The following DIDO1 variants were observed in gnomAD, a reference collection of about 807,000 sequenced individuals.
DIDO1 encodes the protein death inducer-obliterator 1.
DIDO1 carries 16 observed loss-of-function variants against 99.4 expected under a neutral mutation model. That is an observed-to-expected ratio of 0.16 (90% CI 0.11 to 0.24). The LOEUF is 0.24. Among genes scored for constraint, DIDO1 ranks in the 10% least tolerant of loss-of-function variants. The pLI is 1.00. For missense variants in DIDO1, 2,996 were observed against 3,014.0 expected (o/e 0.99, Z 0.14); for synonymous variants, 1,366 against 1,239.1 (o/e 1.10, Z -2.15).
In DIDO1 at chr20:62,879,205, A is replaced by G. The variant is rs1000873802; in HGVS notation, c.*28T>C. On this transcript the variant is annotated 3_prime_UTR_variant, in exon 16 of 16. Coordinates refer to ENST00000395343, the MANE Select transcript of DIDO1 (RefSeq NM_001193369.2). The surrounding 1 kb of genome is among the most constrained non-coding windows in gnomAD (Gnocchi z 6.3). ...CAACGCATCTTACGAACGTGGCTTTAAAAAGGGTCTCTGCCCGGCCGGGGC... is the reference window on the plus strand; with the variant it reads ...CAACGCATCTTACGAACGTGGCTTTGAAAAGGGTCTCTGCCCGGCCGGGGC... 2 of 1,456,472 alleles carry G rather than the reference A, an allele frequency of 1.4e-6. No homozygotes were observed. Among genetic ancestry groups the G allele is most frequent in the Admixed American group, 5.3e-5 (2 of 37,580 alleles). The allele number at this position is 1,456,472 out of a possible 1,614,324, so 90.2% of individuals were successfully genotyped here.
Position 62,878,964 on chromosome 20 carries a change from T to A in DIDO1, c.*269A>T. On this transcript the variant is annotated 3_prime_UTR_variant, in exon 16 of 16. Transcript: ENST00000395343. ...TTTACAATAAAGTTATTGGAAAAGA[T>A]AACTATGATCTGAAAAGCAATATGC... 1 of 369,780 alleles carries A rather than the reference T, an allele frequency of 2.7e-6. No individual in the cohort carries two copies. The highest frequency in any genetic ancestry group is 4.8e-6 in the Non-Finnish European group (1 of 209,952). The allele number at this position is 369,780 out of a possible 1,614,324, so 22.9% of individuals were successfully genotyped here. A position where few individuals can be genotyped will look rare whatever the true frequency, so the allele number is the denominator to read the frequency against.
At chr20:62,899,509 C>T (rs1259326282) in intron 6 of DIDO1, among the ~76,000 whole-genome samples, 2 of 152,218 alleles carry the variant, frequency 1.3e-5, no homozygotes, top group African/African-American at 4.8e-5. Flanking sequence ...GTCTCCCTCA[C>T]TTAGGGAAAA....
At chr20:62,884,322 G>A (rs1373402140) in intron 15 of DIDO1, among the ~76,000 whole-genome samples, 1 of 152,198 alleles carries the variant, frequency 6.6e-6, no homozygotes, top group Non-Finnish European at 1.5e-5. Flanking sequence ...GAATGCCAAA[G>A]GGGAATATAA....
At chr20:62,906,179 C>T (rs2064800274) in intron 5 of DIDO1, 79 bp from the exon 6 acceptor site, 1 of 1,520,718 alleles carries the variant, frequency 6.6e-7, no homozygotes. Flanking sequence ...GAGATGAAGG[C>T]GGGGACCCAA....
chr20:62,911,173 T>A lies in DIDO1; in HGVS notation c.440A>T (p.Asp147Val). The A allele has an allele frequency of 6.2e-7, 1 of 1,614,058 alleles. No individual in the cohort carries two copies. Among genetic ancestry groups the A allele is most frequent in the Non-Finnish European group, 8.5e-7 (1 of 1,180,032 alleles). The change falls in exon 3 of 16, where the codon GAC becomes GTC. Residue 147 changes from aspartate (D) to valine (V), a missense_variant. Transcript: ENST00000395343. The surrounding 1 kb of genome is among the most constrained non-coding windows in gnomAD (Gnocchi z 7.0). ...ASSEKVKGGD[D>V]HDDTSDSDSD... ...GTCACTATCGGAGGTGTCATCGTGG[T>A]CATCCCCTCCTTTCACCTTTTCAGA...
chr20:62,922,530 G>A (rs2065175524), intron 1 of DIDO1, among the ~76,000 whole-genome samples: 1 of 152,048 alleles, frequency 6.6e-6, no homozygotes, highest in African/African-American at 2.4e-5. Context: ...GTACCAGGCA[G>A]TGTATCTGTC....
At chr20:62,904,543 G>A (rs2064755450) in intron 6 of DIDO1, among the ~76,000 whole-genome samples, 1 of 152,072 alleles carries the variant, frequency 6.6e-6, no homozygotes, top group African/African-American at 2.4e-5. Context: ...ACTCTGGGAA[G>A]GCCGAGTTGG....
intron 15 of DIDO1, chr20:62,888,775 G>A (rs550131415): frequency 5.1e-6 from 5 of 985,340 alleles, no homozygotes; most frequent in African/African-American, 3.5e-5. Context: ...GAAGCGGGCC[G>A]AGTACCCGAT....
chr20:62,931,406 G>A (rs2065330963), upstream of DIDO1, among the ~76,000 whole-genome samples: 1 of 152,074 alleles, frequency 6.6e-6, no homozygotes, highest in African/African-American at 2.4e-5. Context: ...CAATATTTTA[G>A]TTAAGTATAG....
intron 3 of DIDO1, among the ~76,000 whole-genome samples, 173 bp from the exon 4 acceptor site, chr20:62,910,193 T>C (rs937977597): frequency 1.3e-5 from 2 of 152,284 alleles, no homozygotes; most frequent in African/African-American, 4.8e-5. Context: ...CCAAATTTAC[T>C]TCACCGTTTT....
intron 3 of DIDO1, among the ~76,000 whole-genome samples, chr20:62,910,454 G>C (rs2064905267): frequency 1.3e-5 from 2 of 152,210 alleles, no homozygotes; most frequent in Admixed American, 1.3e-4. Context: ...GTCTCAGACA[G>C]ACCCCGGAGT....
chr20:62,892,412 T>C lies in DIDO1; in HGVS notation c.3256-336A>G, dbSNP rs1372061968. Among the ~76,000 whole-genome samples, 4 of 152,224 alleles carry C rather than the reference T, an allele frequency of 2.6e-5. No homozygotes were observed. The East Asian group carries it at 7.7e-4, about 29-fold the overall frequency. On this transcript the variant is annotated intron_variant, in intron 13 of 15. Transcript: ENST00000395343. ...AGTCATAAATGCTAGTGCTGTCTTC[T>C]GGTTAATTCTGAAAACTAAAAGGCC...
At position 62,882,579 on chromosome 20, in the gene DIDO1, G is replaced by A. The variant is rs370680191; in HGVS notation, c.3542-165C>T. Among the ~76,000 whole-genome samples, 172 of 102,310 alleles carry A rather than the reference G, an allele frequency of 1.7e-3. 5 individuals are homozygous for A. The highest frequency in any genetic ancestry group is 7.1e-3 in the African/African-American group (150 of 21,016). 67.1% of individuals were successfully genotyped at this position (102,310 alleles called of 152,430 possible). A position where few individuals can be genotyped will look rare whatever the true frequency, so the allele number is the denominator to read the frequency against. ...TCAAGACAGTTGCAAAAGCCTGGAC[G>A]ATTCCGCCCCAGGAACGCACCGCCC... On this transcript the variant is annotated intron_variant, in intron 15 of 15. Coordinates refer to ENST00000395343, the MANE Select transcript of DIDO1 (RefSeq NM_001193369.2).
At chr20:62,905,221 C>G (rs972897827) in intron 6 of DIDO1, 2 of 1,185,876 alleles carry the variant, frequency 1.7e-6, no homozygotes, top group African/African-American at 3.1e-5. Context: ...ACGCGTCCTG[C>G]GGTCAGGACA....
intron 15 of DIDO1, chr20:62,887,616 C>G (rs1241652743): frequency 1.0e-6 from 1 of 985,458 alleles, no homozygotes; most frequent in African/African-American, 1.7e-5. Context: ...CCTGCGGCTT[C>G]ACGCGGAAAT....
chr20:62,904,085 G>A (rs1022384919), intron 6 of DIDO1, among the ~76,000 whole-genome samples: 1 of 152,226 alleles, frequency 6.6e-6, no homozygotes, highest in Non-Finnish European at 1.5e-5. Context: ...GGTTGACACA[G>A]ATGGAAATTA....
Position 62,896,860 on chromosome 20 carries a change from A to T in DIDO1, c.1725T>A (p.Asn575Lys). 1 of 1,614,130 alleles carries T rather than the reference A, an allele frequency of 6.2e-7. No homozygotes were observed. The highest frequency in any genetic ancestry group is 2.2e-5 in the East Asian group (1 of 44,888). ...TAATGGCTGGTGTGGCTGCTGCCAC[A>T]TTAGCAAAAGAAGACTTCTTTGGCA... ...NLVPKKSSFA[N>K]VAAATPAIKK... The change falls in exon 7 of 16, where the codon AAT becomes AAA. Residue 575 changes from asparagine (N) to lysine (K), a missense_variant. Physicochemically the swap from Asn to Lys is moderately conservative, Grantham distance 94. Transcript: ENST00000395343. The surrounding 1 kb of genome is among the most constrained non-coding windows in gnomAD (Gnocchi z 4.4).
chr20:62,921,484 C>G (rs933785939), intron 1 of DIDO1, among the ~76,000 whole-genome samples: 3 of 152,068 alleles, frequency 2.0e-5, no homozygotes, highest in Admixed American at 1.3e-4. Flanking sequence ...ACCCTGTCTA[C>G]TCTCATTCAG....
Position 62,895,036 on chromosome 20 carries a change from C to T in DIDO1, c.2331+13G>A. ...AGTCCTGGGTGCCTCCGCAGGTACC[C>T]CTCAGCACTCACAGATCTCGCTGGC... On this transcript the variant is annotated intron_variant, in intron 9 of 15. Coordinates refer to ENST00000395343, the MANE Select transcript of DIDO1 (RefSeq NM_001193369.2). The T allele has an allele frequency of 6.2e-7, 1 of 1,603,250 alleles. No homozygotes were observed. Among genetic ancestry groups the T allele is most frequent in the Non-Finnish European group, 8.5e-7 (1 of 1,170,518 alleles).
Sources: gnomAD v4.1 joint callset for allele counts (sites outside exome capture counted in the v4.1 genomes callset) on GRCh38, gnomAD v4.1.1 for gene constraint, Gnocchi (gnomAD v3.1) non-coding constraint, MANE v1.5 for transcripts, NCBI Gene and HGNC (gene_info 2026-07-23, HGNC 2026-07-21) for gene names.